PCDH11X: variants seen among roughly 807,000 people sequenced by gnomAD.
The protein encoded by PCDH11X is protocadherin-11 X-linked.
Under a neutral mutation model 53.3 loss-of-function variants are expected in PCDH11X, and 18 were observed. That is an observed-to-expected ratio of 0.34 (90% CI 0.23 to 0.50). The LOEUF (loss-of-function observed/expected upper bound fraction) is 0.50, where lower values mean the gene tolerates loss of function less well. PCDH11X is among the 20% of genes least tolerant of loss of function. The pLI is 0.98. For synonymous variants in PCDH11X, 279 were observed against 393.3 expected (o/e 0.71, Z 3.44); for missense variants, 570 against 1,032.4 (o/e 0.55, Z 6.14).
At chrX:91,845,502 T>C (rs1378543189) in intron 5 of PCDH11X, among the ~76,000 whole-genome samples, 3 of 108,973 alleles carry the variant, frequency 2.8e-5, no homozygotes, top group Admixed American at 9.8e-5. Context: ...GCTATCAATG[T>C]TTAATCCTTT....
intron 7 of PCDH11X, among the ~76,000 whole-genome samples, chrX:92,250,646 A>G (rs895935661): frequency 9.4e-6 from 1 of 106,531 alleles, no homozygotes; most frequent in Non-Finnish European, 1.9e-5. Flanking sequence ...TAAAATATAT[A>G]TATGAATAAT....
intron 6 of PCDH11X, among the ~76,000 whole-genome samples, chrX:92,056,759 A>G (rs190159422): frequency 0.014 from 1,605 of 111,477 alleles, 25 homozygotes; most frequent in African/African-American, 0.05. Flanking sequence ...TAAAATTTAC[A>G]TCTTATTCTA....
intron 6 of PCDH11X, among the ~76,000 whole-genome samples, chrX:91,964,930 C>G (rs1323021305): frequency 8.9e-6 from 1 of 112,084 alleles, no homozygotes; most frequent in Non-Finnish European, 1.9e-5. Flanking sequence ...TTAAATGGTG[C>G]CAAACCTTAC....
At chrX:92,256,090 C>T (rs779612576) in intron 7 of PCDH11X, among the ~76,000 whole-genome samples, 5 of 112,279 alleles carry the variant, frequency 4.5e-5, no homozygotes, top group Admixed American at 2.8e-4. Flanking sequence ...AGCGAGACTC[C>T]GTGGGGTAGG....
chrX:92,096,893 A>T (rs1038464668), intron 6 of PCDH11X, among the ~76,000 whole-genome samples: 2 of 111,362 alleles, frequency 1.8e-5, no homozygotes, highest in Non-Finnish European at 3.8e-5. Context: ...TACACATTGT[A>T]TAAAATGATG....
chrX:92,353,196 T>C (rs1035609815), intron 8 of PCDH11X, among the ~76,000 whole-genome samples: 3 of 112,072 alleles, frequency 2.7e-5, no homozygotes, highest in African/African-American at 6.5e-5. Flanking sequence ...GAAATATTTG[T>C]GCACTGATAG....
chrX:92,218,296 C>G (rs1291860500), intron 7 of PCDH11X, among the ~76,000 whole-genome samples: 1 of 88,873 alleles, frequency 1.1e-5, no homozygotes, highest in Admixed American at 1.3e-4. Flanking sequence ...TGATAGACCA[C>G]TAGCAAGACT....
Position 92,425,046 on chromosome X carries a change from T to C in PCDH11X, c.3343+37113T>C, listed in dbSNP as rs746633147. Among the ~76,000 whole-genome samples, 184 of 79,947 alleles carry C rather than the reference T, an allele frequency of 2.3e-3. 7 individuals carry two copies. Among genetic ancestry groups the C allele is most frequent in the African/African-American group, 6.2e-3 (177 of 28,745 alleles). The allele number at this position is 79,947 out of a possible 115,157, so 69.4% of individuals were successfully genotyped here. ...GAGGGAAGTGTAATCTGGCTGGTTC[T>C]AGAAGTGTTGGAGAAACTGCAAACT... is the stretch of plus-strand genomic sequence containing the variant. On this transcript the variant is annotated intron_variant, in intron 9 of 10. Coordinates refer to ENST00000682573, the MANE Select transcript of PCDH11X (RefSeq NM_032968.5).
intron 4 of PCDH11X, among the ~76,000 whole-genome samples, chrX:91,826,428 T>C (rs1183394176): frequency 1.9e-5 from 2 of 106,392 alleles, no homozygotes; most frequent in East Asian, 5.9e-4. Flanking sequence ...AATTCCATTT[T>C]ACTTATTTTT....
intron 6 of PCDH11X, among the ~76,000 whole-genome samples, chrX:92,186,318 C>T (rs946809591): frequency 3.3e-4 from 37 of 111,503 alleles, no homozygotes; most frequent in African/African-American, 1.1e-3. Flanking sequence ...AAGTTGATCT[C>T]GTAGAAGTAG....
chrX:92,093,704 C>A (rs1481359576), intron 6 of PCDH11X, among the ~76,000 whole-genome samples: 1 of 110,775 alleles, frequency 9.0e-6, no homozygotes, highest in African/African-American at 3.3e-5. Context: ...GTATGAAAAG[C>A]AGTAGCCTGA....
intron 6 of PCDH11X, among the ~76,000 whole-genome samples, chrX:92,012,172 C>G (rs1402100846): frequency 1.8e-5 from 2 of 108,794 alleles, no homozygotes; most frequent in Admixed American, 2.0e-4. Context: ...ATACATAGAA[C>G]AGATGTGTGT....
rs759493761 is a variant in PCDH11X at position 91,858,440 on chromosome X, C to A, written c.541-18341C>A. Among the ~76,000 whole-genome samples the A allele has an allele frequency of 8.1e-5, 9 of 111,781 alleles. No homozygotes were observed. In the East Asian group the frequency reaches 2.6e-3, roughly 32 times the overall value. On this transcript the variant is annotated intron_variant, in intron 5 of 10. Coordinates refer to ENST00000682573, the MANE Select transcript of PCDH11X (RefSeq NM_032968.5). The stretch of plus-strand genomic sequence containing the variant: ...TTTGCAGTCAGCTTGAATTTCTCCT[C>A]AGAAAATGGCTTTCTCTTTTCAATC...
chrX:92,557,953 G>T (rs1052129507), intron 10 of PCDH11X, among the ~76,000 whole-genome samples: 35 of 109,382 alleles, frequency 3.2e-4, no homozygotes, highest in African/African-American at 1.1e-3. Flanking sequence ...TTCTTCACAG[G>T]GTGGCTGGAT....
At chrX:92,132,711 A>G (rs1044153119) in intron 6 of PCDH11X, among the ~76,000 whole-genome samples, 2 of 96,450 alleles carry the variant, frequency 2.1e-5, no homozygotes, top group Non-Finnish European at 4.0e-5. Context: ...ATATATGTAT[A>G]TGTTTAACTT....
intron 6 of PCDH11X, among the ~76,000 whole-genome samples, chrX:92,137,220 C>T (rs1412271378): frequency 9.0e-6 from 1 of 110,771 alleles, no homozygotes; most frequent in Non-Finnish European, 1.9e-5. Flanking sequence ...TACACACATA[C>T]CATTAGTATG....
chrX:92,139,975 T>G lies in PCDH11X; in HGVS notation c.3034-61400T>G, dbSNP rs748801358. Among the ~76,000 whole-genome samples, 9 of 108,310 alleles carry G rather than the reference T, an allele frequency of 8.3e-5. No homozygotes were observed. The East Asian group carries it at 2.0e-3, about 24-fold the overall frequency. 94.1% of individuals were successfully genotyped at this position (108,310 alleles called of 115,157 possible). A position where few individuals can be genotyped will look rare whatever the true frequency, so the allele number is the denominator to read the frequency against. On this transcript the variant is annotated intron_variant, in intron 6 of 10. Coordinates refer to ENST00000682573, the MANE Select transcript of PCDH11X (RefSeq NM_032968.5). ...ATTACCTACTGTCCATGCGCTTCTA[T>G]TCTTCCTTTTTTTTTTTTAATTTCA...
At chrX:92,040,068 A>C (rs1276761093) in intron 6 of PCDH11X, among the ~76,000 whole-genome samples, 2 of 107,865 alleles carry the variant, frequency 1.9e-5, no homozygotes, top group African/African-American at 6.8e-5. Context: ...GGTATCCAAG[A>C]TGCAAGGCAA....
At chrX:91,930,603 TG>T (rs1942099769) in intron 6 of PCDH11X, among the ~76,000 whole-genome samples, 2 of 107,319 alleles carry the variant, frequency 1.9e-5, no homozygotes, top group Non-Finnish European at 3.8e-5. Flanking sequence ...AAAAAAACTT[TG>T]GGGTACAACT....
Sources: allele counts gnomAD v4.1 joint callset (sites outside exome capture counted in the v4.1 genomes callset), GRCh38; gene constraint gnomAD v4.1.1; transcripts MANE v1.5; gene names NCBI Gene and HGNC (gene_info 2026-07-23, HGNC 2026-07-21).